The following GGTA1 variants were observed in gnomAD, a reference collection of about 807,000 sequenced individuals.
The protein encoded by GGTA1 is inactive N-acetyllactosaminide alpha-1,3-galactosyltransferase.
A neutral mutation model predicts 2.6 loss-of-function variants in GGTA1; 5 were observed. The observed-to-expected ratio is 1.92, with a 90% CI of 1.00 to 4.04. GGTA1 has a LOEUF of 4.04. GGTA1 is among the 30% of genes most tolerant of loss of function. GGTA1 has a pLI of 0.00. For missense variants in GGTA1, 50 were observed against 16.7 expected, an observed-to-expected ratio of 2.99 and a Z score of -3.47; for synonymous variants, 17 against 5.0, an observed-to-expected ratio of 3.38 and a Z score of -3.19.
At chr9:121,482,768 C>G (rs942771822) in intron 1 of GGTA1, among the ~76,000 whole-genome samples, 8 of 151,680 alleles carry the variant, frequency 5.3e-5, no homozygotes, top group Non-Finnish European at 7.4e-5. Context: ...AACTCCATCT[C>G]AAAAAAATAA....
chr9:121,447,761 A>ATTTAT (rs2064858833), intron 7 of GGTA1, among the ~76,000 whole-genome samples: 1 of 152,124 alleles, frequency 6.6e-6, no homozygotes, highest in African/African-American at 2.4e-5. Flanking sequence ...TATGGTTAGT[A>ATTTAT]GGAGAATGAT....
At chr9:121,463,470 C>T in intron 2 of GGTA1, 142 bp from the exon 3 acceptor site, 1 of 362,460 alleles carries the variant, frequency 2.8e-6, no homozygotes, top group Non-Finnish European at 5.4e-6. Flanking sequence ...TCCTTTGAGA[C>T]ATAACCAATG....
At chr9:121,480,603 G>C (rs77512482) in intron 1 of GGTA1, among the ~76,000 whole-genome samples, 2 of 152,040 alleles carry the variant, frequency 1.3e-5, no homozygotes, top group Non-Finnish European at 2.9e-5. Context: ...CTGGCCCCCC[G>C]GTCGCTCAGT....
intron 2 of GGTA1, among the ~76,000 whole-genome samples, chr9:121,464,978 C>T (rs1317545985): frequency 2.1e-5 from 3 of 140,306 alleles, no homozygotes; most frequent in African/African-American, 5.3e-5. Context: ...GTGGCCAATT[C>T]GTAAAGTGGC....
At chr9:121,458,984 A>C (rs200133050) in intron 5 of GGTA1, among the ~76,000 whole-genome samples, 1 of 152,174 alleles carries the variant, frequency 6.6e-6, no homozygotes, top group East Asian at 1.9e-4. Context: ...TCACATTTCT[A>C]TGAGTGGTTT....
At chr9:121,464,433 T>C (rs1349799656) in intron 2 of GGTA1, among the ~76,000 whole-genome samples, 1 of 146,310 alleles carries the variant, frequency 6.8e-6, no homozygotes, top group Non-Finnish European at 1.5e-5. Context: ...TTCAAGCAAT[T>C]CTCCTGCCTA....
At chr9:121,457,400 C>T (rs565294163) in intron 5 of GGTA1, among the ~76,000 whole-genome samples, 2 of 152,188 alleles carry the variant, frequency 1.3e-5, no homozygotes, top group Admixed American at 1.3e-4. Context: ...GATGAGAGCA[C>T]ATTGGAAAAT....
intron 1 of GGTA1, among the ~76,000 whole-genome samples, chr9:121,497,190 C>CA (rs966555722): frequency 6.0e-5 from 9 of 150,700 alleles, no homozygotes; most frequent in South Asian, 2.1e-4. Context: ...GAGACTGTCT[C>CA]AAAAAAAAGA....
At chr9:121,493,159 T>C (rs1828906081) in intron 1 of GGTA1, among the ~76,000 whole-genome samples, 1 of 151,600 alleles carries the variant, frequency 6.6e-6, no homozygotes, top group African/African-American at 2.4e-5. Context: ...AAGGAACTGA[T>C]TGCAGGACAG....
chr9:121,463,194 G>A (rs986076969), intron 3 of GGTA1, 99 bp downstream of exon 3: 46 of 429,228 alleles, frequency 1.1e-4, no homozygotes, highest in Non-Finnish European at 1.6e-4. Context: ...GACTTTGGCC[G>A]AACACCATGG....
exon 8 of GGTA1, chr9:121,445,365 G>C (rs144457512): frequency 6.6e-6 from 1 of 152,058 alleles, no homozygotes; most frequent in African/African-American, 2.4e-5. Flanking sequence ...AGATTTTCTG[G>C]CAAAAAATGA....
chr9:121,456,205 A>C (rs761309180), intron 5 of GGTA1, among the ~76,000 whole-genome samples: 2 of 152,190 alleles, frequency 1.3e-5, no homozygotes, highest in African/African-American at 4.8e-5. Flanking sequence ...AAGAAAGGAA[A>C]AAGTGCCAGG....
At chr9:121,456,108 C>T (rs184755119) in intron 5 of GGTA1, among the ~76,000 whole-genome samples, 81 of 152,184 alleles carry the variant, frequency 5.3e-4, no homozygotes, top group Non-Finnish European at 1.0e-3. Flanking sequence ...AAAGAAGTGA[C>T]GGAGGGCAGC....
intron 1 of GGTA1, among the ~76,000 whole-genome samples, chr9:121,487,862 C>T (rs12339600): frequency 0.27 from 41,191 of 151,660 alleles, 6,098 homozygotes; most frequent in Middle Eastern, 0.37. Flanking sequence ...ATTACAGGTG[C>T]GTGCCACCAC....
chr9:121,462,577 T>C (rs1454361193), intron 3 of GGTA1: 3 of 152,162 alleles, frequency 2.0e-5, no homozygotes, highest in South Asian at 2.1e-4. Flanking sequence ...AAGAGATACA[T>C]TGATTTCGTC....
chr9:121,454,438 C>T (rs1019699563), downstream of GGTA1, among the ~76,000 whole-genome samples: 5 of 152,348 alleles, frequency 3.3e-5, no homozygotes, highest in South Asian at 2.1e-4. Flanking sequence ...TTTGGGACCA[C>T]GCACTGTGCA....
chr9:121,468,758 C>G (rs4475571), intron 1 of GGTA1, among the ~76,000 whole-genome samples: 47,499 of 152,114 alleles, frequency 0.31, 7,681 homozygotes, highest in Middle Eastern at 0.4. Flanking sequence ...GAGGCTGCCT[C>G]CATTGGCAAG....
intron 3 of GGTA1, among the ~76,000 whole-genome samples, chr9:121,461,874 TA>T (rs2064962984): frequency 6.6e-6 from 1 of 152,218 alleles, no homozygotes; most frequent in African/African-American, 2.4e-5. Context: ...CAGATTGTTG[TA>T]AAAGTCTAGA....
intron 1 of GGTA1, among the ~76,000 whole-genome samples, chr9:121,477,319 A>T (rs1018847130): frequency 6.6e-6 from 1 of 152,220 alleles, no homozygotes; most frequent in African/African-American, 2.4e-5. Context: ...TTTCTCTTTT[A>T]TTGGAAATGA....
Sources: allele counts gnomAD v4.1 joint callset (sites outside exome capture counted in the v4.1 genomes callset), GRCh38; gene constraint gnomAD v4.1.1; transcripts MANE v1.5; gene names NCBI Gene and HGNC (gene_info 2026-07-23, HGNC 2026-07-21).